PDE4D: variants seen among roughly 807,000 people sequenced by gnomAD.
PDE4D encodes the protein 3',5'-cyclic-AMP phosphodiesterase 4D.
In PDE4D, 24 loss-of-function variants were observed where a neutral mutation model predicts 87.4. That is an observed-to-expected ratio of 0.27 (90% CI 0.20 to 0.39). PDE4D has a LOEUF of 0.39. Among genes scored for constraint, PDE4D ranks in the 10% least tolerant of loss-of-function variants. The pLI is 1.00. For missense variants in PDE4D, 714 were observed against 1,041.0 expected (o/e 0.69, Z 4.32); for synonymous variants, 384 against 383.2 (o/e 1.00, Z -0.02).
At chr5:59,605,348 AT>A (rs2150046541) in intron 1 of PDE4D, among the ~76,000 whole-genome samples, 2 of 151,912 alleles carry the variant, frequency 1.3e-5, no homozygotes, top group South Asian at 4.2e-4. Context: ...AGTATTTCTT[AT>A]TTGTATTTCA....
Position 59,536,364 on chromosome 5 carries a change from G to A in PDE4D, c.456-320396C>T, listed in dbSNP as rs185865647. On this transcript the variant is annotated intron_variant, in intron 1 of 14. Transcript: ENST00000340635. ...ACTAAAAATACAAAAAATTAGCCAG[G>A]CGTGGTGGCAGGCACCTGTAGTCCC... 1.9e-4 allele frequency among the ~76,000 whole-genome samples: 29 copies of A among 151,658 alleles called. No individual in the cohort carries two copies. In the East Asian group the frequency reaches 5.6e-3, roughly 30 times the overall value.
At chr5:60,452,310 T>G (rs1746158078) in intron 1 of PDE4D, among the ~76,000 whole-genome samples, 1 of 152,138 alleles carries the variant, frequency 6.6e-6, no homozygotes, top group East Asian at 1.9e-4. Context: ...ATTGATCACA[T>G]TGAATTACAT....
chr5:59,614,243 C>T lies in PDE4D; in HGVS notation c.455+278925G>A, dbSNP rs1055711503. ...ACATTAGCCCCATAGGAATAGGCCACTTTAAAATGCAAATATGTAAAATTA... is the reference window on the plus strand; with the variant it reads ...ACATTAGCCCCATAGGAATAGGCCATTTTAAAATGCAAATATGTAAAATTA... On this transcript the variant is annotated intron_variant, in intron 1 of 14. Transcript: ENST00000340635. Among the ~76,000 whole-genome samples the T allele has an allele frequency of 1.3e-5, 2 of 152,192 alleles. 1 individual carries two copies.
chr5:59,878,125 A>G (rs1357485664), intron 1 of PDE4D, among the ~76,000 whole-genome samples: 1 of 152,218 alleles, frequency 6.6e-6, no homozygotes, highest in African/African-American at 2.4e-5. Context: ...GATGTTACCA[A>G]GAGGAAGTAG....
At chr5:59,181,814 T>A (rs1277372663) in intron 4 of PDE4D, among the ~76,000 whole-genome samples, 1 of 152,158 alleles carries the variant, frequency 6.6e-6, no homozygotes, top group Non-Finnish European at 1.5e-5. Context: ...ACGAATGTGA[T>A]CCTAGGGTCT....
intron 1 of PDE4D, among the ~76,000 whole-genome samples, chr5:59,243,204 C>T (rs545762711): frequency 6.6e-6 from 1 of 152,172 alleles, no homozygotes; most frequent in Admixed American, 6.5e-5. Context: ...CTATTGAAAT[C>T]ATTTCAACAG....
chr5:60,332,929 C>A (rs1190280816), intron 1 of PDE4D, among the ~76,000 whole-genome samples: 1 of 152,148 alleles, frequency 6.6e-6, no homozygotes, highest in Non-Finnish European at 1.5e-5. Flanking sequence ...TGCTCTGTGC[C>A]AGGATAATCC....
At chr5:59,239,295 G>T (rs1250250148) in intron 1 of PDE4D, among the ~76,000 whole-genome samples, 1 of 152,062 alleles carries the variant, frequency 6.6e-6, no homozygotes, top group Non-Finnish European at 1.5e-5. Context: ...TTGCTGAAAT[G>T]CCTCCTCACC....
intron 5 of PDE4D, among the ~76,000 whole-genome samples, chr5:59,136,056 A>T (rs1435360086): frequency 6.6e-6 from 1 of 151,968 alleles, no homozygotes; most frequent in Non-Finnish European, 1.5e-5. Context: ...ACAAATTAAA[A>T]TTTTTTGAAA....
chr5:59,501,357 C>A (rs1343135456), intron 1 of PDE4D, among the ~76,000 whole-genome samples: 1 of 152,134 alleles, frequency 6.6e-6, no homozygotes, highest in Non-Finnish European at 1.5e-5. Flanking sequence ...TTAAGCATGA[C>A]TACACTAGGT....
At chr5:59,966,266 T>C (rs904798900) in intron 3 of PDE4D, among the ~76,000 whole-genome samples, 6 of 152,214 alleles carry the variant, frequency 3.9e-5, no homozygotes, top group African/African-American at 1.4e-4. Flanking sequence ...CTTCATTGTC[T>C]CATGACCCCT....
chr5:59,660,882 T>C (rs1355723792), intron 1 of PDE4D, among the ~76,000 whole-genome samples: 1 of 151,996 alleles, frequency 6.6e-6, no homozygotes, highest in African/African-American at 2.4e-5. Context: ...CGATAATAGC[T>C]ATTTTTAAAA....
intron 1 of PDE4D, among the ~76,000 whole-genome samples, chr5:59,705,278 C>G (rs56407484): frequency 0.03 from 4,530 of 152,248 alleles, 105 homozygotes; most frequent in Non-Finnish European, 0.046. Context: ...TTGTCTGGAG[C>G]CTCCTTGAGT....
At chr5:60,249,175 C>G (rs1348770619) in intron 1 of PDE4D, among the ~76,000 whole-genome samples, 1 of 152,024 alleles carries the variant, frequency 6.6e-6, no homozygotes, top group Non-Finnish European at 1.5e-5. Context: ...AGGAAGTTGT[C>G]TAAGGGAGGT....
At chr5:59,979,843 G>T (rs1443877530) in intron 3 of PDE4D, among the ~76,000 whole-genome samples, 2 of 151,788 alleles carry the variant, frequency 1.3e-5, no homozygotes, top group Non-Finnish European at 2.9e-5. Flanking sequence ...TTTGGTTGGG[G>T]GGAAGTGTGT....
chr5:59,688,747 C>CA lies in PDE4D; in HGVS notation c.455+204420dup, dbSNP rs1297252722. The stretch of plus-strand genomic sequence containing the variant: ...AGCAGAACTGAAGGAGATAGAGACA[C>CA]AAAAAAACCCTTCAAAAAATCAATG... On this transcript the variant is annotated intron_variant, in intron 1 of 14. Coordinates refer to ENST00000340635, the MANE Select transcript of PDE4D (RefSeq NM_001104631.2). Among the ~76,000 whole-genome samples the CA allele has an allele frequency of 5.3e-5, 8 of 151,794 alleles. 1 individual carries two copies. In the Middle Eastern group the frequency reaches 0.014, roughly 258 times the overall value.
intron 1 of PDE4D, among the ~76,000 whole-genome samples, chr5:60,312,328 C>T (rs1023261504): frequency 1.3e-5 from 2 of 152,118 alleles, no homozygotes; most frequent in Admixed American, 6.6e-5. Context: ...TTCAAAAAAA[C>T]GGAAATCATA....
chr5:60,035,212 C>T (rs899343592), intron 2 of PDE4D, among the ~76,000 whole-genome samples: 7 of 150,500 alleles, frequency 4.7e-5, no homozygotes, highest in African/African-American at 7.4e-5. Context: ...GTTGAAATGG[C>T]GCCACTGCAC....
chr5:59,181,200 T>C (rs1741458260), intron 4 of PDE4D, among the ~76,000 whole-genome samples: 1 of 152,096 alleles, frequency 6.6e-6, no homozygotes, highest in South Asian at 2.1e-4. Context: ...TCCAAATAGA[T>C]ACTATAGAAG....
Sources: allele counts gnomAD v4.1 joint callset (sites outside exome capture counted in the v4.1 genomes callset), GRCh38; gene constraint gnomAD v4.1.1; transcripts MANE v1.5; gene names NCBI Gene and HGNC (gene_info 2026-07-23, HGNC 2026-07-21).